PCDH9: variants seen among roughly 807,000 people sequenced by gnomAD.
The protein encoded by PCDH9 is protocadherin 9.
In PCDH9, 24 loss-of-function variants were observed where a neutral mutation model predicts 70.6. That is an observed-to-expected ratio of 0.34 (90% CI 0.25 to 0.48). The LOEUF (loss-of-function observed/expected upper bound fraction) is 0.48, where lower values mean the gene tolerates loss of function less well. Among genes scored for constraint, PCDH9 ranks in the 20% least tolerant of loss-of-function variants. PCDH9 has a pLI of 0.99. For synonymous variants in PCDH9, 562 were observed against 558.5 expected, an observed-to-expected ratio of 1.01 and a Z score of -0.09; for missense variants, 1,281 against 1,503.6, an observed-to-expected ratio of 0.85 and a Z score of 2.45.
In PCDH9 at chr13:67,227,226, T is replaced by C. The variant is rs570809231; in HGVS notation, c.1215A>G (p.Arg405=). Residue 405 remains arginine (R), a synonymous_variant, in exon 2 of 5, where the codon AGA becomes AGG. Transcript: ENST00000377865. The surrounding 1 kb of genome is among the most constrained non-coding windows in gnomAD (Gnocchi z 4.6). ...CCGCCTTCAAATGAAATGGGACCTCTCTTTCAATAAAACAGATCACTTTGC... is the reference window on the plus strand; with the variant it reads ...CCGCCTTCAAATGAAATGGGACCTCCCTTTCAATAAAACAGATCACTTTGC... ...VNGKVICFIE[R]EVPFHLKAVY... is the part of the protein sequence containing the mutation. 50 of 1,613,794 alleles carry C rather than the reference T, an allele frequency of 3.1e-5. No homozygotes were observed. In the Admixed American group the frequency reaches 8.2e-4, roughly 26 times the overall value.
intron 2 of PCDH9, chr13:66,996,093 A>G (rs2084108827): frequency 6.6e-6 from 1 of 152,226 alleles, no homozygotes; most frequent in Admixed American, 6.5e-5. Context: ...AGTAAAGGAA[A>G]ATGTTCTGTC....
chr13:66,822,199 A>G (rs970358889), intron 3 of PCDH9, among the ~76,000 whole-genome samples: 6 of 152,046 alleles, frequency 3.9e-5, no homozygotes, highest in African/African-American at 1.2e-4. Flanking sequence ...CCACTTATAT[A>G]TACATTCATA....
intron 4 of PCDH9, among the ~76,000 whole-genome samples, chr13:66,314,288 C>G (rs1955612926): frequency 6.6e-6 from 1 of 152,310 alleles, no homozygotes; most frequent in Non-Finnish European, 1.5e-5. Flanking sequence ...TATTAGAGTT[C>G]ACTGGAGAGT....
chr13:66,322,896 A>G (rs1353971072), intron 4 of PCDH9, among the ~76,000 whole-genome samples: 7 of 152,064 alleles, frequency 4.6e-5, no homozygotes, highest in Admixed American at 2.6e-4. Context: ...ATGTTGTGGT[A>G]AAGCTTTCTG....
chr13:66,477,433 A>C (rs533146373), intron 4 of PCDH9, among the ~76,000 whole-genome samples: 34 of 152,296 alleles, frequency 2.2e-4, no homozygotes, highest in African/African-American at 8.2e-4. Flanking sequence ...ATGTGAATTT[A>C]TGCTTACCTA....
chr13:67,162,813 C>A (rs913853811), intron 2 of PCDH9, among the ~76,000 whole-genome samples: 3 of 150,894 alleles, frequency 2.0e-5, no homozygotes, highest in African/African-American at 7.3e-5. Flanking sequence ...TATACAAGTG[C>A]CTGCACTGTA....
chr13:66,431,853 A>G (rs1219972112), intron 4 of PCDH9, among the ~76,000 whole-genome samples: 1 of 152,020 alleles, frequency 6.6e-6, no homozygotes, highest in Admixed American at 6.6e-5. Flanking sequence ...TTATCTCATC[A>G]TTCTCTTTGA....
chr13:66,491,385 T>TTGTGTGTGTGTGTGTG (rs71106974), intron 4 of PCDH9, among the ~76,000 whole-genome samples: 26,533 of 135,772 alleles, frequency 0.2, 3,153 homozygotes, highest in Admixed American at 0.29. Flanking sequence ...GCAGGAGATA[T>TTGTGTGTGTGTGTGTG]TGTGTGTGTG....
intron 3 of PCDH9, among the ~76,000 whole-genome samples, chr13:66,715,217 G>A (rs964621948): frequency 8.6e-5 from 13 of 151,766 alleles, no homozygotes; most frequent in African/African-American, 2.9e-4. Flanking sequence ...ATATTTATAC[G>A]GCCACAATTC....
intron 3 of PCDH9, among the ~76,000 whole-genome samples, chr13:66,771,275 T>A (rs61959180): frequency 0.078 from 11,866 of 152,240 alleles, 651 homozygotes; most frequent in South Asian, 0.15. Context: ...AGTAATTGGT[T>A]TAATTAGCTT....
intron 3 of PCDH9, among the ~76,000 whole-genome samples, chr13:66,826,604 T>C (rs1369742277): frequency 1.3e-5 from 2 of 152,150 alleles, no homozygotes; most frequent in African/African-American, 4.8e-5. Context: ...AATGATTCAA[T>C]GAACAGGGCA....
chr13:67,032,713 G>A (rs1011488899), intron 2 of PCDH9, among the ~76,000 whole-genome samples: 4 of 152,160 alleles, frequency 2.6e-5, no homozygotes, highest in African/African-American at 9.6e-5. Flanking sequence ...TGAAGCATTT[G>A]TATCATTAGT....
intron 2 of PCDH9, among the ~76,000 whole-genome samples, chr13:67,057,375 G>A (rs73211190): frequency 0.04 from 6,004 of 151,986 alleles, 178 homozygotes; most frequent in Non-Finnish European, 0.06. Context: ...CTTTAGTCTC[G>A]GTGACTGTCC....
intron 3 of PCDH9, among the ~76,000 whole-genome samples, chr13:66,834,986 C>A (rs1206211821): frequency 6.6e-6 from 1 of 152,062 alleles, no homozygotes; most frequent in East Asian, 1.9e-4. Context: ...AAAACAATAA[C>A]CTAAATAATT....
At chr13:66,514,469 A>G (rs963958415) in intron 4 of PCDH9, among the ~76,000 whole-genome samples, 2 of 142,406 alleles carry the variant, frequency 1.4e-5, no homozygotes, top group African/African-American at 5.3e-5. Context: ...AAATTAGTGA[A>G]TGGGAAAATG....
At chr13:66,971,947 A>C (rs2083530386) in intron 2 of PCDH9, among the ~76,000 whole-genome samples, 1 of 151,944 alleles carries the variant, frequency 6.6e-6, no homozygotes, top group Non-Finnish European at 1.5e-5. Context: ...CGATCTTAAT[A>C]TATTAGATAA....
Position 66,741,955 on chromosome 13 carries a change from C to G in PCDH9, c.3139-110544G>C, listed in dbSNP as rs1290881833. On this transcript the variant is annotated intron_variant, in intron 3 of 4. Transcript: ENST00000377865. ...TAGAGTCAATGCCATCCCCATCAAG[C>G]TACCAATGACTGTCTTCACAGAATT... Among the ~76,000 whole-genome samples, 3 of 150,222 alleles carry G rather than the reference C, an allele frequency of 2.0e-5. No individual in the cohort carries two copies. The East Asian group carries it at 5.9e-4, about 29-fold the overall frequency.
intron 4 of PCDH9, among the ~76,000 whole-genome samples, chr13:66,394,193 C>T (rs533214170): frequency 1.3e-5 from 2 of 152,104 alleles, no homozygotes; most frequent in Non-Finnish European, 2.9e-5. Flanking sequence ...AGGGGTCACT[C>T]ACCTAAATGA....
At chr13:66,606,497 G>A (rs2077224335) in intron 4 of PCDH9, among the ~76,000 whole-genome samples, 1 of 152,016 alleles carries the variant, frequency 6.6e-6, no homozygotes, top group African/African-American at 2.4e-5. Context: ...CAGGGAGTTA[G>A]GATGATAATA....
Sources: allele counts gnomAD v4.1 joint callset (sites outside exome capture counted in the v4.1 genomes callset), GRCh38; gene constraint gnomAD v4.1.1; non-coding constraint Gnocchi (gnomAD v3.1); transcripts MANE v1.5; gene names NCBI Gene and HGNC (gene_info 2026-07-23, HGNC 2026-07-21).